The following SPAG16 variants were observed in gnomAD, a reference collection of about 807,000 sequenced individuals.
The protein encoded by SPAG16 is sperm-associated antigen 16 protein.
A neutral mutation model predicts 80.4 loss-of-function variants in SPAG16; 86 were observed. The ratio of observed to expected loss-of-function variants is 1.07; its 90% CI spans 0.90 to 1.28. SPAG16 has a LOEUF of 1.28. SPAG16 is among the 50% of genes most tolerant of loss of function. The pLI is 0.00. For missense variants in SPAG16, 870 were observed against 765.3 expected (o/e 1.14, Z -1.61); for synonymous variants, 294 against 265.9 (o/e 1.11, Z -1.03).
intron 10 of SPAG16, among the ~76,000 whole-genome samples, chr2:213,842,414 A>T (rs888045088): frequency 6.6e-6 from 1 of 152,212 alleles, no homozygotes; most frequent in East Asian, 1.9e-4. Flanking sequence ...GAATGTGTAT[A>T]TGTTTTATAA....
At chr2:213,668,019 C>T (rs750258430) in intron 10 of SPAG16, among the ~76,000 whole-genome samples, 10 of 151,984 alleles carry the variant, frequency 6.6e-5, no homozygotes, top group Non-Finnish European at 1.5e-4. Flanking sequence ...CGGCTCACTG[C>T]AACCTCCGCC....
chr2:213,365,439 A>T (rs1314477488), intron 8 of SPAG16: 1 of 151,904 alleles, frequency 6.6e-6, no homozygotes, highest in Non-Finnish European at 1.5e-5. Flanking sequence ...TCTACAGCTG[A>T]AAAGTAGAAT....
intron 15 of SPAG16, among the ~76,000 whole-genome samples, chr2:214,397,926 A>G (rs1701490394): frequency 6.6e-6 from 1 of 152,146 alleles, no homozygotes; most frequent in Non-Finnish European, 1.5e-5. Context: ...AGTTCTCCGT[A>G]TGCACTCTCA....
intron 6 of SPAG16, among the ~76,000 whole-genome samples, chr2:213,341,643 C>T (rs927259355): frequency 5.9e-5 from 9 of 152,050 alleles, no homozygotes; most frequent in Non-Finnish European, 1.3e-4. Flanking sequence ...GCAGTCCTTC[C>T]GCCTCAGCCT....
intron 1 of SPAG16, among the ~76,000 whole-genome samples, chr2:213,284,978 C>G (rs1333064113): frequency 6.6e-6 from 1 of 152,168 alleles, no homozygotes. Context: ...AATAAGCCCT[C>G]AATCTTTCAG....
At chr2:213,358,979 C>A (rs967199013) in intron 7 of SPAG16, among the ~76,000 whole-genome samples, 1 of 152,156 alleles carries the variant, frequency 6.6e-6, no homozygotes, top group Admixed American at 6.5e-5. Context: ...TATGCTATTT[C>A]TGTTTGTTAG....
intron 9 of SPAG16, among the ~76,000 whole-genome samples, chr2:213,401,983 A>G (rs951497325): frequency 2.6e-5 from 4 of 152,096 alleles, no homozygotes; most frequent in Non-Finnish European, 5.9e-5. Context: ...TCCTATTTAC[A>G]TATATTTTTG....
At chr2:213,322,350 A>C (rs908871763) in intron 5 of SPAG16, among the ~76,000 whole-genome samples, 24 of 111,210 alleles carry the variant, frequency 2.2e-4, no homozygotes, top group East Asian at 7.6e-4. Context: ...AAAAAAAAAA[A>C]AAAAAACAAA....
chr2:214,328,504 T>G (rs1696657844), intron 15 of SPAG16, among the ~76,000 whole-genome samples: 1 of 152,220 alleles, frequency 6.6e-6, no homozygotes, highest in Non-Finnish European at 1.5e-5. Context: ...AAGGACATTG[T>G]GTTGGATCCA....
rs144817530 is a variant in SPAG16 at position 213,532,674 on chromosome 2, G to A, written c.1070+42584G>A. Among the ~76,000 whole-genome samples, 1,275 of 150,846 alleles carry A rather than the reference G, an allele frequency of 8.5e-3. 18 individuals are homozygous for A. Among genetic ancestry groups the A allele is most frequent in the African/African-American group, 0.03 (1,190 of 40,310 alleles). On this transcript the variant is annotated intron_variant, in intron 10 of 15. Coordinates refer to ENST00000331683, the MANE Select transcript of SPAG16 (RefSeq NM_024532.5). ...GATGTGGTTTCACTATGTTGTCCAG[G>A]CTGATCTCGAACTCCTGACCTCAGG...
chr2:213,970,363 A>G (rs561495261), intron 12 of SPAG16, among the ~76,000 whole-genome samples: 42 of 152,056 alleles, frequency 2.8e-4, no homozygotes, highest in South Asian at 1.0e-3. Flanking sequence ...CTGGAGTGCA[A>G]TGGCACAATC....
chr2:214,063,990 G>A (rs1345084251), intron 13 of SPAG16, among the ~76,000 whole-genome samples: 1 of 152,116 alleles, frequency 6.6e-6, no homozygotes, highest in Admixed American at 6.6e-5. Flanking sequence ...TGAATGAGAA[G>A]AATTAATGCA....
At chr2:213,814,721 C>A (rs1296617976) in intron 10 of SPAG16, among the ~76,000 whole-genome samples, 1 of 151,820 alleles carries the variant, frequency 6.6e-6, no homozygotes, top group Non-Finnish European at 1.5e-5. Context: ...ACCTGGGAGG[C>A]GGAGGTTGCA....
chr2:213,331,603 C>A (rs961880575), intron 5 of SPAG16, among the ~76,000 whole-genome samples: 2 of 152,096 alleles, frequency 1.3e-5, no homozygotes, highest in Admixed American at 1.3e-4. Context: ...ATAGATATTT[C>A]CATTCTCAAT....
chr2:213,391,387 T>G (rs980437866), intron 9 of SPAG16, among the ~76,000 whole-genome samples: 3 of 152,252 alleles, frequency 2.0e-5, no homozygotes, highest in Non-Finnish European at 4.4e-5. Context: ...CCTTAGCATC[T>G]GTTAGCAAAT....
At chr2:214,219,191 G>T (rs114609057) in intron 15 of SPAG16, among the ~76,000 whole-genome samples, 2 of 152,100 alleles carry the variant, frequency 1.3e-5, no homozygotes, top group East Asian at 3.9e-4. Flanking sequence ...GGAATCTCCT[G>T]TTAAATCTGA....
Position 214,092,228 on chromosome 2 carries a change from A to C in SPAG16, c.1528-15968A>C, listed in dbSNP as rs549744466. 2.3e-4 allele frequency among the ~76,000 whole-genome samples: 35 copies of C among 152,208 alleles called. No individual in the cohort carries two copies. In the South Asian group the frequency reaches 7.0e-3, roughly 31 times the overall value. On this transcript the variant is annotated intron_variant, in intron 13 of 15. Coordinates refer to ENST00000331683, the MANE Select transcript of SPAG16 (RefSeq NM_024532.5). ...AATTTACACATGCTGCTTTTATTGCAAGGTTAAGGAGCACATCATTTTAAA... is the reference window on the plus strand; with the variant it reads ...AATTTACACATGCTGCTTTTATTGCCAGGTTAAGGAGCACATCATTTTAAA...
chr2:213,994,117 AT>A (rs1030736440), intron 12 of SPAG16, among the ~76,000 whole-genome samples: 9 of 151,646 alleles, frequency 5.9e-5, no homozygotes, highest in South Asian at 2.1e-4. Context: ...TATGTGTGTG[AT>A]TTTTTTTTCA....
At chr2:214,249,591 G>A (rs867575403) in intron 15 of SPAG16, among the ~76,000 whole-genome samples, 3 of 152,036 alleles carry the variant, frequency 2.0e-5, no homozygotes, top group Admixed American at 6.6e-5. Flanking sequence ...AAGTAAACAC[G>A]ATTGACAATA....
Sources: gnomAD v4.1 joint callset for allele counts (sites outside exome capture counted in the v4.1 genomes callset) on GRCh38, gnomAD v4.1.1 for gene constraint, MANE v1.5 for transcripts, NCBI Gene and HGNC (gene_info 2026-07-23, HGNC 2026-07-21) for gene names.